ASIC2: variants seen among roughly 807,000 people sequenced by gnomAD.
ASIC2 encodes the protein acid sensing ion channel subunit 2, also known as acid-sensing ion channel 2.
A neutral mutation model predicts 57.3 loss-of-function variants in ASIC2; 25 were observed. The ratio of observed to expected loss-of-function variants is 0.44; its 90% CI spans 0.32 to 0.61. The LOEUF (loss-of-function observed/expected upper bound fraction) is 0.61. ASIC2 is among the 20% of genes least tolerant of loss of function. The pLI, the probability that ASIC2 is intolerant of heterozygous loss-of-function variation, is 0.06. For synonymous variants in ASIC2, 319 were observed against 307.5 expected (o/e 1.04, Z -0.39); for missense variants, 641 against 738.1 (o/e 0.87, Z 1.52).
At chr17:33,789,794 C>T (rs564307356) in intron 1 of ASIC2, among the ~76,000 whole-genome samples, 2 of 152,228 alleles carry the variant, frequency 1.3e-5, no homozygotes, top group African/African-American at 4.8e-5. Context: ...CACTTCTGTG[C>T]GTAGTTAAAT....
At chr17:33,793,289 C>T (rs1911822969) in intron 1 of ASIC2, 1 of 152,198 alleles carries the variant, frequency 6.6e-6, no homozygotes, top group Admixed American at 6.5e-5. Flanking sequence ...ACTTGCAGAG[C>T]ACTTTCCAAA....
intron 1 of ASIC2, among the ~76,000 whole-genome samples, chr17:33,367,421 C>T (rs544500709): frequency 1.3e-5 from 2 of 152,304 alleles, no homozygotes; most frequent in South Asian, 4.2e-4. Flanking sequence ...TTGATCTTTC[C>T]ACTGCTTCTC....
At chr17:33,317,886 A>AGTGTGTGT (rs57716479) in intron 1 of ASIC2, among the ~76,000 whole-genome samples, 27 of 144,564 alleles carry the variant, frequency 1.9e-4, no homozygotes, top group East Asian at 6.2e-4. Flanking sequence ...TGTGGAGATG[A>AGTGTGTGT]GTGTGTGTGT....
At chr17:34,114,031 A>C (rs1010319507) in intron 1 of ASIC2, among the ~76,000 whole-genome samples, 1 of 152,180 alleles carries the variant, frequency 6.6e-6, no homozygotes, top group African/African-American at 2.4e-5. Flanking sequence ...CACTTACTAT[A>C]GTCTAGAAAC....
chr17:33,227,731 A>C (rs1260339054), intron 1 of ASIC2, among the ~76,000 whole-genome samples: 1 of 152,196 alleles, frequency 6.6e-6, no homozygotes, highest in Non-Finnish European at 1.5e-5. Context: ...CCAATCTGAT[A>C]GGTGCTCTTA....
chr17:33,452,739 GT>G (rs1912300990), intron 1 of ASIC2, among the ~76,000 whole-genome samples: 1 of 5,264 alleles, frequency 1.9e-4, no homozygotes, highest in African/African-American at 1.2e-3. Context: ...ACAGAGTGGG[GT>G]GTGTGTGTGT....
At chr17:34,106,700 G>T (rs1911070566) in intron 1 of ASIC2, among the ~76,000 whole-genome samples, 1 of 151,972 alleles carries the variant, frequency 6.6e-6, no homozygotes, top group South Asian at 2.1e-4. Flanking sequence ...TTAGAAATTT[G>T]GTCAGTGAGA....
At chr17:34,095,651 A>T (rs1910507172) in intron 1 of ASIC2, among the ~76,000 whole-genome samples, 3 of 99,760 alleles carry the variant, frequency 3.0e-5, no homozygotes, top group African/African-American at 1.5e-4. Context: ...ATATATATAT[A>T]TATAATTTTA....
chr17:33,641,805 A>G (rs1262466879), intron 1 of ASIC2, among the ~76,000 whole-genome samples: 2 of 152,180 alleles, frequency 1.3e-5, no homozygotes, highest in East Asian at 3.8e-4. Context: ...ATTAGCACCA[A>G]TTGCGTGGTC....
chr17:33,855,022 C>G (rs1039320301), intron 1 of ASIC2, among the ~76,000 whole-genome samples: 5 of 152,168 alleles, frequency 3.3e-5, no homozygotes, highest in African/African-American at 1.2e-4. Flanking sequence ...GCAGAGAATG[C>G]TTTCCTTCTG....
At chr17:33,589,943 C>A (rs1206574613) in intron 1 of ASIC2, among the ~76,000 whole-genome samples, 2 of 152,176 alleles carry the variant, frequency 1.3e-5, no homozygotes, top group Non-Finnish European at 2.9e-5. Context: ...AATGACCAAG[C>A]AAGAGGAAGC....
intron 1 of ASIC2, among the ~76,000 whole-genome samples, chr17:33,910,848 G>A (rs576446512): frequency 1.3e-5 from 2 of 152,234 alleles, no homozygotes; most frequent in Non-Finnish European, 2.9e-5. Context: ...CTGAGGAGGT[G>A]ATGTTTGAAG....
intron 1 of ASIC2, among the ~76,000 whole-genome samples, chr17:33,115,130 G>C (rs978087354): frequency 2.0e-5 from 3 of 152,202 alleles, no homozygotes; most frequent in African/African-American, 7.2e-5. Context: ...AGCAGCTCCT[G>C]CAGCTGCCCT....
intron 1 of ASIC2, among the ~76,000 whole-genome samples, chr17:33,927,896 G>T (rs1037414604): frequency 5.3e-5 from 8 of 152,116 alleles, no homozygotes; most frequent in Admixed American, 5.2e-4. Flanking sequence ...AATTACAGCC[G>T]TTAACACATG....
chr17:33,203,189 T>C (rs1906943199), intron 1 of ASIC2, among the ~76,000 whole-genome samples: 1 of 152,232 alleles, frequency 6.6e-6, no homozygotes, highest in South Asian at 2.1e-4. Context: ...TTAGAATCCA[T>C]GTCTGTCTCA....
intron 1 of ASIC2, among the ~76,000 whole-genome samples, chr17:33,463,751 C>A (rs1912719955): frequency 6.6e-6 from 1 of 152,224 alleles, no homozygotes; most frequent in Non-Finnish European, 1.5e-5. Context: ...GCTCCCAGCC[C>A]AGTCGATCTC....
At chr17:33,980,480 A>G (rs1464858566) in intron 1 of ASIC2, among the ~76,000 whole-genome samples, 2 of 152,230 alleles carry the variant, frequency 1.3e-5, no homozygotes, top group Non-Finnish European at 2.9e-5. Flanking sequence ...GGGCCACAAC[A>G]CATATGGAGA....
At chr17:33,046,042 G>A (rs771763045) in intron 3 of ASIC2, among the ~76,000 whole-genome samples, 3 of 152,210 alleles carry the variant, frequency 2.0e-5, no homozygotes, top group African/African-American at 2.4e-5. Context: ...AGGCGCAGCC[G>A]TGAATTGTTT....
chr17:33,048,438 G>A (rs1031980880), intron 3 of ASIC2, among the ~76,000 whole-genome samples: 6 of 152,168 alleles, frequency 3.9e-5, no homozygotes, highest in African/African-American at 4.8e-5. Context: ...GATGGCCAGC[G>A]AGCTCACACT....
Sources: gnomAD v4.1 joint callset for allele counts (sites outside exome capture counted in the v4.1 genomes callset) on GRCh38, gnomAD v4.1.1 for gene constraint, MANE v1.5 for transcripts, NCBI Gene and HGNC (gene_info 2026-07-23, HGNC 2026-07-21) for gene names.